Variants in UQCC1 observed in about 807,000 individuals in gnomAD.
UQCC1 encodes bFGF-repressed Zic-binding protein.
UQCC1 carries 38 observed loss-of-function variants against 48.0 expected under a neutral mutation model. The ratio of observed to expected loss-of-function variants is 0.79; its 90% CI spans 0.61 to 1.04. UQCC1 has a LOEUF of 1.04. Among genes scored for constraint, UQCC1 ranks in the 50% least tolerant of loss-of-function variants. The pLI, the probability that UQCC1 is intolerant of heterozygous loss-of-function variation, is 0.00. For missense variants in UQCC1, 368 were observed against 381.8 expected, an observed-to-expected ratio of 0.96 and a Z score of 0.30; for synonymous variants, 111 against 129.2, an observed-to-expected ratio of 0.86 and a Z score of 0.95.
At chr20:35,395,980 C>CTTTTTTTT (rs1000858624) in intron 1 of UQCC1, among the ~76,000 whole-genome samples, 12 of 99,236 alleles carry the variant, frequency 1.2e-4, no homozygotes, top group Non-Finnish European at 1.9e-4. Context: ...TTTGCAATGT[C>CTTTTTTTT]TTTTTTTTTT....
chr20:35,373,614 G>A (rs1249665451), intron 5 of UQCC1, among the ~76,000 whole-genome samples: 1 of 148,524 alleles, frequency 6.7e-6, no homozygotes, highest in Non-Finnish European at 1.5e-5. Flanking sequence ...GGGAGGTGGA[G>A]AGGTGGAGGT....
At position 35,319,493 on chromosome 20, in the gene UQCC1, T is replaced by C. The variant is rs2061098810; in HGVS notation, c.574-4728A>G. Among the ~76,000 whole-genome samples the C allele has an allele frequency of 2.0e-5, 3 of 152,298 alleles. No homozygotes were observed. The South Asian group carries it at 6.2e-4, about 32-fold the overall frequency. On this transcript the variant is annotated intron_variant, in intron 7 of 9. Coordinates refer to ENST00000374385, the MANE Select transcript of UQCC1 (RefSeq NM_018244.5). ...TATTTGCCATGCACTTTTTATGACA[T>C]AATAAAAATGTTACCTTAAGGATTA...
intron 7 of UQCC1, among the ~76,000 whole-genome samples, chr20:35,328,837 G>C (rs2061226387): frequency 6.6e-6 from 1 of 152,168 alleles, no homozygotes; most frequent in African/African-American, 2.4e-5. Flanking sequence ...AAAAAAGCAA[G>C]TGAACTCATA....
Position 35,303,728 on chromosome 20 carries a change from G to T in UQCC1, c.*207C>A. On this transcript the variant is annotated 3_prime_UTR_variant, in exon 10 of 10. Transcript: ENST00000374385. Reference sequence around the variant, plus strand: ...CTAAGGGAGAGGACACCCCGGGAGAGCTAGGGGTTCTCCCAGCCCTGTACC... The same window carrying T: ...CTAAGGGAGAGGACACCCCGGGAGATCTAGGGGTTCTCCCAGCCCTGTACC... The T allele has an allele frequency of 1.5e-6, 1 of 660,214 alleles. No homozygotes were observed. Among genetic ancestry groups the T allele is most frequent in the Non-Finnish European group, 2.5e-6 (1 of 393,260 alleles). The allele number at this position is 660,214 out of a possible 1,614,324, so 40.9% of individuals were successfully genotyped here.
intron 7 of UQCC1, chr20:35,344,034 T>C (rs1001704872): frequency 2.6e-5 from 4 of 152,222 alleles, no homozygotes; most frequent in Non-Finnish European, 2.9e-5. Flanking sequence ...TGCACTGATA[T>C]ACACTTGGAT....
chr20:35,351,422 A>G (rs1490940033), intron 6 of UQCC1, among the ~76,000 whole-genome samples: 1 of 152,080 alleles, frequency 6.6e-6, no homozygotes, highest in Non-Finnish European at 1.5e-5. Flanking sequence ...CTTTGTGACA[A>G]TAATGAAACA....
At chr20:35,374,890 A>C (rs1351856721) in intron 4 of UQCC1, among the ~76,000 whole-genome samples, 1 of 152,078 alleles carries the variant, frequency 6.6e-6, no homozygotes, top group African/African-American at 2.4e-5. Context: ...GGTGGTTTTA[A>C]TTTTTTCACT....
At chr20:35,339,210 T>C (rs2061351106) in intron 7 of UQCC1, among the ~76,000 whole-genome samples, 1 of 152,024 alleles carries the variant, frequency 6.6e-6, no homozygotes, top group African/African-American at 2.4e-5. Context: ...AAGAAGCAAG[T>C]ATTTATGTTC....
At chr20:35,310,042 T>C (rs983321894) in intron 8 of UQCC1, among the ~76,000 whole-genome samples, 1 of 152,242 alleles carries the variant, frequency 6.6e-6, no homozygotes, top group African/African-American at 2.4e-5. Flanking sequence ...CAGAGAGATC[T>C]TCCTGGTCCA....
intron 7 of UQCC1, among the ~76,000 whole-genome samples, chr20:35,336,973 C>T (rs1362029648): frequency 2.0e-5 from 3 of 152,146 alleles, no homozygotes; most frequent in Admixed American, 6.5e-5. Flanking sequence ...CTCCTCTTAG[C>T]GAGGAGAACA....
chr20:35,385,270 T>C (rs753795143), intron 2 of UQCC1, among the ~76,000 whole-genome samples: 1 of 151,800 alleles, frequency 6.6e-6, no homozygotes, highest in African/African-American at 2.4e-5. Context: ...GAAGTTTCCA[T>C]CATCACTATC....
intron 4 of UQCC1, among the ~76,000 whole-genome samples, chr20:35,376,290 A>AG (rs1238841308): frequency 6.6e-6 from 1 of 151,960 alleles, no homozygotes; most frequent in African/African-American, 2.4e-5. Context: ...CCTGGGCGAC[A>AG]GAGCCAGACT....
At chr20:35,374,040 G>T in intron 5 of UQCC1, 144 bp downstream of exon 5, 1 of 641,686 alleles carries the variant, frequency 1.6e-6, no homozygotes. Flanking sequence ...TTTTTAAAGA[G>T]ACAAATAGAC....
At chr20:35,389,982 C>A (rs993545450) in intron 2 of UQCC1, among the ~76,000 whole-genome samples, 1 of 152,230 alleles carries the variant, frequency 6.6e-6, no homozygotes, top group South Asian at 2.1e-4. Flanking sequence ...GAAGAGTACG[C>A]AGCCTTAAAA....
intron 7 of UQCC1, among the ~76,000 whole-genome samples, chr20:35,321,421 A>G (rs6120899): frequency 0.047 from 7,186 of 152,338 alleles, 264 homozygotes; most frequent in African/African-American, 0.098. Flanking sequence ...TAATGTGAAC[A>G]TTTAAATAGA....
chr20:35,384,277 G>C, intron 2 of UQCC1, 144 bp from the exon 3 acceptor site: 2 of 629,352 alleles, frequency 3.2e-6, no homozygotes, highest in Middle Eastern at 5.2e-4. Context: ...GAAGACCCAA[G>C]ATCAGCACCT....
chr20:35,372,169 G>A (rs946990208), intron 5 of UQCC1, among the ~76,000 whole-genome samples: 6 of 151,828 alleles, frequency 4.0e-5, no homozygotes, highest in East Asian at 1.9e-4. Context: ...AAAATTAGCC[G>A]GGCATGGTAG....
chr20:35,355,567 C>A (rs1249574785), intron 6 of UQCC1, among the ~76,000 whole-genome samples: 1 of 152,230 alleles, frequency 6.6e-6, no homozygotes, highest in Non-Finnish European at 1.5e-5. Context: ...AGTCAGCTGC[C>A]TGGAATGTCC....
intron 1 of UQCC1, among the ~76,000 whole-genome samples, chr20:35,402,773 A>G (rs2062186489): frequency 6.6e-6 from 1 of 151,500 alleles, no homozygotes; most frequent in Non-Finnish European, 1.5e-5. Flanking sequence ...AGCCTGGGTG[A>G]CAGAGTGAGA....
Sources: allele counts gnomAD v4.1 joint callset (sites outside exome capture counted in the v4.1 genomes callset), GRCh38; gene constraint gnomAD v4.1.1; transcripts MANE v1.5; gene names NCBI Gene and HGNC (gene_info 2026-07-23, HGNC 2026-07-21).